Variants in NBPF14 observed in about 807,000 individuals in gnomAD.
The protein encoded by NBPF14 is NBPF family member NBPF14.
A neutral mutation model predicts 91.2 loss-of-function variants in NBPF14; 104 were observed. The observed-to-expected ratio is 1.14, with a 90% CI of 0.97 to 1.34. The LOEUF (loss-of-function observed/expected upper bound fraction) is 1.34, where lower values mean the gene tolerates loss of function less well. Ranked by LOEUF, NBPF14 falls within the 40% of genes most tolerant of loss-of-function variation. The pLI is 0.00. For missense variants in NBPF14, 908 were observed against 783.0 expected, an observed-to-expected ratio of 1.16 and a Z score of -1.91; for synonymous variants, 294 against 303.8, an observed-to-expected ratio of 0.97 and a Z score of 0.34.
chr1:148,533,641 C>G (rs1654206798), intron 70 of NBPF14, among the ~76,000 whole-genome samples: 1 of 147,828 alleles, frequency 6.8e-6, no homozygotes, highest in Admixed American at 6.8e-5. Context: ...CATGAGAGTA[C>G]AGCTTTTGAA....
In NBPF14 at chr1:148,559,817, C is replaced by T. The variant is rs1404207004; in HGVS notation, c.4705G>A (p.Val1569Ile). The T allele has an allele frequency of 1.8e-5, 27 of 1,534,700 alleles. 4 individuals are homozygous for T. In the South Asian group the frequency reaches 2.2e-4, roughly 12 times the overall value. ...CCATCCATGTCAACAGCCAAGCCAACACGCTGCTGCTCCAATATGTAAAAG... is the reference window on the plus strand; with the variant it reads ...CCATCCATGTCAACAGCCAAGCCAATACGCTGCTGCTCCAATATGTAAAAG... Residue 1569 changes from valine (V) to isoleucine (I), a missense_variant, in exon 37 of 71, where the codon GTT (valine) becomes ATT (isoleucine). Val to Ile is a conservative substitution (Grantham distance 29). This residue lies in a region of NBPF14 where 447 missense variants were observed against 189.1 expected (regional missense o/e 2.36). Coordinates refer to ENST00000619423, the Ensembl canonical transcript of NBPF14.
At position 148,572,805 on chromosome 1, in the gene NBPF14, CAGACAGAGACAG is replaced by C. The variant is rs1262285066; in HGVS notation, c.2586-202_2586-191del. Reference sequence around the variant, plus strand: ...GATAGAAAACAATGAAAGAGAGAGACAGACAGAGACAGAGACAGAGACAGAGACAGAGACAGA... The same window carrying C: ...GATAGAAAACAATGAAAGAGAGAGACAGACAGAGACAGAGACAGAGACAGA... On this transcript the variant is annotated intron_variant, in intron 20 of 70. Coordinates refer to ENST00000619423, the Ensembl canonical transcript of NBPF14. 6.9e-3 allele frequency among the ~76,000 whole-genome samples: 365 copies of C among 53,056 alleles called. 17 individuals are homozygous for C. The highest frequency in any genetic ancestry group is 0.044 in the Admixed American group (223 of 5,068). The allele number at this position is 53,056 out of a possible 152,430, so 34.8% of individuals were successfully genotyped here. A position where few individuals can be genotyped will look rare whatever the true frequency, so the allele number is the denominator to read the frequency against.
intron 68 of NBPF14, among the ~76,000 whole-genome samples, chr1:148,535,167 A>G (rs1654861893): frequency 1.3e-5 from 2 of 149,742 alleles, no homozygotes; most frequent in African/African-American, 5.0e-5. Context: ...GCGAACAGTG[A>G]TCATGAAAAG....
chr1:148,551,719 C>T (rs1656238289), intron 47 of NBPF14, among the ~76,000 whole-genome samples: 6 of 17,832 alleles, frequency 3.4e-4, no homozygotes, highest in Admixed American at 1.5e-3. Flanking sequence ...GTCACATCTG[C>T]CCAGGTCCAA....
At chr1:148,593,268 A>T (rs1323923716) in intron 3 of NBPF14, among the ~76,000 whole-genome samples, 9 of 148,844 alleles carry the variant, frequency 6.0e-5, no homozygotes, top group Middle Eastern at 3.6e-3. Context: ...GATTCTCACT[A>T]AGGGTAAGTG....
At position 148,572,645 on chromosome 1, in the gene NBPF14, G is replaced by T. The variant is rs1281112983; in HGVS notation, c.2586-30C>A. 88 of 624,276 alleles carry T rather than the reference G, an allele frequency of 1.4e-4. 15 individuals carry two copies. The African/African-American group carries it at 2.2e-3, about 15-fold the overall frequency. 38.7% of individuals were successfully genotyped at this position (624,276 alleles called of 1,614,324 possible). A position where few individuals can be genotyped will look rare whatever the true frequency, so the allele number is the denominator to read the frequency against. ...AAAAGTGGGAAAAAGTAAAGAATAA[G>T]CCAGGGGGAATCAGAAACCACACAG... On this transcript the variant is annotated intron_variant, in intron 20 of 70. Transcript: ENST00000619423.
chr1:148,576,005 G>C (rs1308155017), intron 16 of NBPF14, among the ~76,000 whole-genome samples, 194 bp from the exon 17 acceptor site: 4 of 147,300 alleles, frequency 2.7e-5, no homozygotes, highest in Non-Finnish European at 6.0e-5. Context: ...GAAAGACAGG[G>C]AGAGGGAGAG....
In NBPF14 at chr1:148,577,580, A is replaced by T. The variant is rs1353890770; in HGVS notation, c.1854-225T>A. On this transcript the variant is annotated intron_variant, in intron 14 of 70. Transcript: ENST00000619423. ...CACACACACACACACACACACACTC[A>T]CACACACACAGAGCGAGGTCAGTCA... is the stretch of plus-strand genomic sequence containing the variant. Among the ~76,000 whole-genome samples the T allele has an allele frequency of 2.7e-5, 4 of 150,188 alleles. No individual in the cohort carries two copies. In the East Asian group the frequency reaches 7.8e-4, roughly 29 times the overall value.
At chr1:148,535,223 G>A (rs1184320908) in intron 68 of NBPF14, among the ~76,000 whole-genome samples, 2 of 150,106 alleles carry the variant, frequency 1.3e-5, no homozygotes, top group Non-Finnish European at 2.9e-5. Flanking sequence ...ATTCCATACA[G>A]TTGCCATACA....
chr1:148,584,216 A>G (rs1661173928), intron 11 of NBPF14, among the ~76,000 whole-genome samples: 1 of 152,248 alleles, frequency 6.6e-6, no homozygotes, highest in Non-Finnish European at 1.5e-5. Context: ...GGCCTGACAG[A>G]TACTGCCTGT....
chr1:148,590,354 G>C (rs1369558120), intron 6 of NBPF14, among the ~76,000 whole-genome samples: 1 of 144,046 alleles, frequency 6.9e-6, no homozygotes, highest in African/African-American at 2.5e-5. Context: ...ACTGCTCCCA[G>C]CCGAGACTTA....
intron 28 of NBPF14, 47 bp from the exon 29 acceptor site, chr1:148,566,362 A>G: frequency 1.3e-6 from 1 of 754,114 alleles, no homozygotes. Context: ...GAAATCAGAC[A>G]CAACAGAGCC....
intron 60 of NBPF14, 23 bp downstream of exon 60, chr1:148,541,708 C>G: frequency 5.6e-5 from 2 of 35,886 alleles, no homozygotes; most frequent in Non-Finnish European, 8.0e-5. Flanking sequence ...CAGAATTAAG[C>G]ATCCACAATT....
chr1:148,587,162 A>G lies in NBPF14; in HGVS notation c.1091+139T>C, dbSNP rs1661679584. On this transcript the variant is annotated intron_variant, in intron 8 of 70. Coordinates refer to ENST00000619423, the Ensembl canonical transcript of NBPF14. Reference sequence around the variant, plus strand: ...TTACTATCCTTCTTCTCTGATAAATATTTGTGTGTAGCGAGCCTGCCATGG... The same window carrying G: ...TTACTATCCTTCTTCTCTGATAAATGTTTGTGTGTAGCGAGCCTGCCATGG... 8.3e-5 allele frequency: 58 copies of G among 701,278 alleles called. 6 individuals are homozygous for G. In the South Asian group the frequency reaches 9.2e-4, roughly 11 times the overall value. 43.4% of individuals were successfully genotyped at this position (701,278 alleles called of 1,614,324 possible). A position where few individuals can be genotyped will look rare whatever the true frequency, so the allele number is the denominator to read the frequency against.
intron 68 of NBPF14, among the ~76,000 whole-genome samples, chr1:148,535,135 G>T (rs1454237271): frequency 6.8e-6 from 1 of 147,890 alleles, no homozygotes; most frequent in African/African-American, 2.6e-5. Flanking sequence ...GACACTCTGA[G>T]TTAGTGCCCT....
chr1:148,534,804 G>T lies in NBPF14; in HGVS notation c.8494C>A (p.Leu2832Met), dbSNP rs1654726653. Residue 2832 changes from leucine to methionine, a missense_variant, in exon 69 of 71, where the codon CTG becomes ATG. Physicochemically the swap from Leu to Met is conservative, Grantham distance 15. This residue lies in a region of NBPF14 where 279 missense variants were observed against 107.7 expected (regional missense o/e 2.59). Coordinates refer to ENST00000619423, the Ensembl canonical transcript of NBPF14. ...GAAGGAGTCGAATAACATCTATCCA[G>T]TGAGTCCTGCAAGACTTCAGGATCT... 5 of 995,876 alleles carry T rather than the reference G, an allele frequency of 5.0e-6. No individual in the cohort carries two copies. The Admixed American group carries it at 5.2e-5, about 10-fold the overall frequency. The allele number at this position is 995,876 out of a possible 1,614,324, so 61.7% of individuals were successfully genotyped here. A position where few individuals can be genotyped will look rare whatever the true frequency, so the allele number is the denominator to read the frequency against.
intron 5 of NBPF14, 81 bp downstream of exon 5, chr1:148,591,351 C>G (rs1297369660): frequency 2.0e-5 from 29 of 1,471,614 alleles, no homozygotes; most frequent in South Asian, 3.5e-5. Flanking sequence ...TTTGGCCCAT[C>G]ATAGATGCCA....
rs1345697213 is a variant in NBPF14, at chr1:148,560,224, G to A, written c.4557-259C>T. On this transcript the variant is annotated intron_variant, in intron 36 of 70. Transcript: ENST00000619423. ...GAAAGTGACCTAGTGAATTGGCCAG[G>A]TGACATACTGGTAAGGGAGTCAAAG... 2.0e-5 allele frequency among the ~76,000 whole-genome samples: 3 copies of A among 150,828 alleles called. No individual in the cohort carries two copies. In the East Asian group the frequency reaches 5.9e-4, roughly 30 times the overall value.
At chr1:148,566,439 G>T in intron 28 of NBPF14, 124 bp from the exon 29 acceptor site, 2 of 600,734 alleles carry the variant, frequency 3.3e-6, no homozygotes, top group South Asian at 2.0e-5. Flanking sequence ...CCATTAATGA[G>T]GTAACAAATT....
Sources: allele counts gnomAD v4.1 joint callset (sites outside exome capture counted in the v4.1 genomes callset), GRCh38; gene constraint gnomAD v4.1.1; regional missense constraint gnomAD v4.1.1; transcripts MANE v1.5; gene names NCBI Gene and HGNC (gene_info 2026-07-23, HGNC 2026-07-21).